The following GPRIN2 variants were observed in gnomAD, a reference collection of about 807,000 sequenced individuals.
GPRIN2 encodes G protein regulated inducer of neurite outgrowth 2.
In GPRIN2, 1 loss-of-function variant was observed where a neutral mutation model predicts 0.3. That is an observed-to-expected ratio of 3.90 (90% CI 1.39 to 18.51). GPRIN2 has a LOEUF of 18.51. GPRIN2 is among the 30% of genes most tolerant of loss of function. The pLI is 0.11. For missense variants in GPRIN2, 880 were observed against 604.2 expected (o/e 1.46, Z -4.79); for synonymous variants, 361 against 258.6 (o/e 1.40, Z -3.80).
At chr10:46,552,521 C>G (rs1285102037) in intron 2 of GPRIN2, among the ~76,000 whole-genome samples, 1 of 152,312 alleles carries the variant, frequency 6.6e-6, no homozygotes, top group Non-Finnish European at 1.5e-5. Context: ...TACAAATGTC[C>G]TGGCAGCCCA....
At position 46,547,846 on chromosome 10, in the gene GPRIN2, A is replaced by G. The variant is rs1842308316; in HGVS notation, c.*1514T>C. Among the ~76,000 whole-genome samples the G allele has an allele frequency of 6.6e-6, 1 of 152,304 alleles. No individual in the cohort carries two copies. The highest frequency in any genetic ancestry group is 2.4e-5 in the African/African-American group (1 of 41,486). ...GGGAAAGGCATGTTTACGGGTGAGAATGGTCCATCGTTGGGCTTCAGGAGG... is the reference window on the plus strand; with the variant it reads ...GGGAAAGGCATGTTTACGGGTGAGAGTGGTCCATCGTTGGGCTTCAGGAGG... On this transcript the variant is annotated 3_prime_UTR_variant, in exon 3 of 3. Transcript: ENST00000374314.
Position 46,549,949 on chromosome 10 carries a change from G to A in GPRIN2, c.788C>T (p.Ala263Val), listed in dbSNP as rs1832539576. 14 of 1,614,144 alleles carry A rather than the reference G, an allele frequency of 8.7e-6. No homozygotes were observed. Among genetic ancestry groups the A allele is most frequent in the Admixed American group, 6.7e-5 (4 of 60,012 alleles). Residue 263 changes from alanine to valine, a missense_variant, in exon 3 of 3, where the codon GCG (alanine) becomes GTG (valine). Ala to Val is a moderately conservative substitution (Grantham distance 64). Transcript: ENST00000374314. ...CTGCAGCCCAGACTCGCTCACTGAC[G>A]CCACTAGTTTGGGAAAGGCCAGGAT... ...TGILAFPKLV[A>V]SVSESGLQAQ...
At position 46,541,800 on chromosome 10, in the gene GPRIN2, GA is replaced by G. The variant is rs1833083268; in HGVS notation, c.*7559del. Among the ~76,000 whole-genome samples, 1,130 of 151,420 alleles carry G rather than the reference GA, an allele frequency of 7.5e-3. No homozygotes were observed. The highest frequency in any genetic ancestry group is 0.017 in the Middle Eastern group (5 of 290). On this transcript the variant is annotated 3_prime_UTR_variant, in exon 3 of 3. Coordinates refer to ENST00000374314, the MANE Select transcript of GPRIN2 (RefSeq NM_001385282.1). ...GCAGTGTTTTAAAATAAAAACTAAT[GA>G]AAAAATGATAAAATATCAAAAATTT...
intron 1 of GPRIN2, among the ~76,000 whole-genome samples, chr10:46,554,933 C>T (rs1831958779): frequency 1.3e-5 from 2 of 152,428 alleles, no homozygotes; most frequent in Admixed American, 1.3e-4. Flanking sequence ...CCATCTAAGT[C>T]CCCTCTTGGT....
chr10:46,545,891 T>G lies in GPRIN2; in HGVS notation c.*3469A>C, dbSNP rs1555013363. The stretch of plus-strand genomic sequence containing the variant: ...AGGAAGATGATCAAGGCTTGTAACT[T>G]GCCCAAGATCACATGGCTATAGGTG... On this transcript the variant is annotated 3_prime_UTR_variant, in exon 3 of 3. Coordinates refer to ENST00000374314, the MANE Select transcript of GPRIN2 (RefSeq NM_001385282.1). Among the ~76,000 whole-genome samples, 1 of 152,310 alleles carries G rather than the reference T, an allele frequency of 6.6e-6. No homozygotes were observed. Among genetic ancestry groups the G allele is most frequent in the African/African-American group, 2.4e-5 (1 of 41,488 alleles).
At position 46,549,903 on chromosome 10, in the gene GPRIN2, G is replaced by T; in HGVS notation, c.834C>A (p.Ile278=). 4 of 1,614,234 alleles carry T rather than the reference G, an allele frequency of 2.5e-6. No homozygotes were observed. Among genetic ancestry groups the T allele is most frequent in the Non-Finnish European group, 3.4e-6 (4 of 1,180,022 alleles). ...SGLQAQHGVK[I]HCRLSGGLPG... Reference sequence around the variant, plus strand: ...GGAGCCCCCCAGACAACCTACAGTGGATCTTCACCCCATGCTGAGCCTGCA... The same window carrying T: ...GGAGCCCCCCAGACAACCTACAGTGTATCTTCACCCCATGCTGAGCCTGCA... Residue 278 remains isoleucine (I), a synonymous_variant, in exon 3 of 3, where the codon ATC becomes ATA. Transcript: ENST00000374314.
rs1555019520 is a variant in GPRIN2 at position 46,550,282 on chromosome 10, T to C, written c.455A>G (p.His152Arg). Residue 152 changes from histidine to arginine, a missense_variant, in exon 3 of 3, where the codon CAC becomes CGC. His to Arg is a conservative substitution (Grantham distance 29). Transcript: ENST00000374314. ...ACCACCTGGCTGCAGCTGAGCCCTG[T>C]GGACAGGGCTGCTGCCAAGGGCTGA... ...SCSALGSSPVHRAQLQPGGTS... is the reference protein window; with the variant it reads ...SCSALGSSPVRRAQLQPGGTS... 17 of 1,612,618 alleles carry C rather than the reference T, an allele frequency of 1.1e-5. No homozygotes were observed. The highest frequency in any genetic ancestry group is 1.7e-5 in the Admixed American group (1 of 59,986).
In GPRIN2 at chr10:46,550,009, G is replaced by GCTCCCACCT. The variant is rs1832517461; in HGVS notation, c.727_728insAGGTGGGAG (p.Arg242_Ala243insGluValGly). The GCTCCCACCT allele has an allele frequency of 2.5e-6, 4 of 1,613,656 alleles. No homozygotes were observed. The Admixed American group carries it at 6.7e-5, about 27-fold the overall frequency. On this transcript the variant is annotated inframe_insertion, in exon 3 of 3. Transcript: ENST00000374314. The stretch of plus-strand genomic sequence containing the variant: ...AGGTAGGGCATGGCAGCAGCCACCA[G>GCTCCCACCT]CCCTCACCTCCCTCATGCCACAGAG...
rs1410315710 is a variant in GPRIN2, at chr10:46,542,706, CA to C, written c.*6653del. Among the ~76,000 whole-genome samples, 1 of 152,306 alleles carries C rather than the reference CA, an allele frequency of 6.6e-6. No individual in the cohort carries two copies. The highest frequency in any genetic ancestry group is 1.5e-5 in the Non-Finnish European group (1 of 68,052). On this transcript the variant is annotated 3_prime_UTR_variant, in exon 3 of 3. Coordinates refer to ENST00000374314, the MANE Select transcript of GPRIN2 (RefSeq NM_001385282.1). ...TGGACTAATATGGAGGGGTCAAAGA[CA>C]GAAATCTCCTCCTCCAGTCCCTAGC...
rs1052604975 is a variant in GPRIN2 at position 46,542,756 on chromosome 10, G to A, written c.*6604C>T. 2.6e-5 allele frequency among the ~76,000 whole-genome samples: 4 copies of A among 152,304 alleles called. No homozygotes were observed. Among genetic ancestry groups the A allele is most frequent in the Non-Finnish European group, 5.9e-5 (4 of 68,054 alleles). On this transcript the variant is annotated 3_prime_UTR_variant, in exon 3 of 3. Coordinates refer to ENST00000374314, the MANE Select transcript of GPRIN2 (RefSeq NM_001385282.1). Reference sequence around the variant, plus strand: ...GCCTTGGCTCTTGGACACGAATCCAGTTCCTGACAGCAGAGAAGCATACAG... The same window carrying A: ...GCCTTGGCTCTTGGACACGAATCCAATTCCTGACAGCAGAGAAGCATACAG...
rs1842276672 is a variant in GPRIN2, at chr10:46,547,551, C to T, written c.*1809G>A. On this transcript the variant is annotated 3_prime_UTR_variant, in exon 3 of 3. Transcript: ENST00000374314. ...GTTCCATCTGCCAGGCAGGTCCTGC[C>T]CTCTCTCCACCCACCTGTCTAACCC... Among the ~76,000 whole-genome samples the T allele has an allele frequency of 6.6e-6, 1 of 152,306 alleles. No individual in the cohort carries two copies. The highest frequency in any genetic ancestry group is 2.1e-4 in the South Asian group (1 of 4,838).
Position 46,549,453 on chromosome 10 carries a change from C to T in GPRIN2, c.1284G>A (p.Leu428=), listed in dbSNP as rs1832713169. The T allele has an allele frequency of 5.0e-6, 8 of 1,608,500 alleles. No individual in the cohort carries two copies. In the African/African-American group the frequency reaches 6.7e-5, roughly 13 times the overall value. The part of the protein sequence containing the change: ...LQRAPASEDS[L]SVEGRRGPLR... ...GTGGCCCCCTCCGGCCCTCCACAGA[C>T]AGGCTGTCCTCGCTGGCGGGCGCCC... is the stretch of plus-strand genomic sequence containing the variant. The change falls in exon 3 of 3, where the codon CTG becomes CTA. Residue 428 remains leucine (L), a synonymous_variant. Transcript: ENST00000374314.
Position 46,548,287 on chromosome 10 carries a change from C to G in GPRIN2, c.*1073G>C, listed in dbSNP as rs1842350428. Among the ~76,000 whole-genome samples the G allele has an allele frequency of 6.6e-6, 1 of 152,306 alleles. No homozygotes were observed. The highest frequency in any genetic ancestry group is 2.4e-5 in the African/African-American group (1 of 41,486). ...CTCCAAGGCCCCTGGCCCCCACTGC[C>G]TAGCCTAGGTCAGGTCATGTGGGCA... On this transcript the variant is annotated 3_prime_UTR_variant, in exon 3 of 3. Coordinates refer to ENST00000374314, the MANE Select transcript of GPRIN2 (RefSeq NM_001385282.1).
chr10:46,554,884 C>A (rs1843000182), intron 1 of GPRIN2, among the ~76,000 whole-genome samples, 189 bp from the exon 2 acceptor site: 1 of 152,312 alleles, frequency 6.6e-6, no homozygotes, highest in Non-Finnish European at 1.5e-5. Flanking sequence ...CTACCAAGAC[C>A]ACCACAAGTG....
chr10:46,547,755 C>T lies in GPRIN2; in HGVS notation c.*1605G>A, dbSNP rs1414496586. On this transcript the variant is annotated 3_prime_UTR_variant, in exon 3 of 3. Transcript: ENST00000374314. ...TGTCACTCCCCAGAACGTGAGCTGC[C>T]TGCCCTGGCACCATACACAAAGGGA... Among the ~76,000 whole-genome samples, 2 of 152,306 alleles carry T rather than the reference C, an allele frequency of 1.3e-5. No homozygotes were observed. Among genetic ancestry groups the T allele is most frequent in the Non-Finnish European group, 2.9e-5 (2 of 68,056 alleles).
In GPRIN2 at chr10:46,542,963, CAA is replaced by C. The variant is rs1356481079; in HGVS notation, c.*6395_*6396del. 6.6e-6 allele frequency among the ~76,000 whole-genome samples: 1 copy of C among 152,312 alleles called. No homozygotes were observed. The highest frequency in any genetic ancestry group is 2.4e-5 in the African/African-American group (1 of 41,488). On this transcript the variant is annotated 3_prime_UTR_variant, in exon 3 of 3. Transcript: ENST00000374314. ...CCAGCCAGCCACCAACAAGGGCCAC[CAA>C]AAGTTAGGACTGATGGGGTGCCCTT...
chr10:46,547,223 G>A lies in GPRIN2; in HGVS notation c.*2137C>T, dbSNP rs926622491. 1.3e-5 allele frequency among the ~76,000 whole-genome samples: 2 copies of A among 152,310 alleles called. No homozygotes were observed. The highest frequency in any genetic ancestry group is 2.4e-5 in the African/African-American group (1 of 41,488). On this transcript the variant is annotated 3_prime_UTR_variant, in exon 3 of 3. Coordinates refer to ENST00000374314, the MANE Select transcript of GPRIN2 (RefSeq NM_001385282.1). ...CACATGTGTGCCTGTGTATGCGTGT[G>A]TGTGCACGTGTATGAACCCAGCCCC...
At position 46,549,274 on chromosome 10, in the gene GPRIN2, C is replaced by A; in HGVS notation, c.*86G>T. 2.1e-6 allele frequency: 3 copies of A among 1,427,358 alleles called. No homozygotes were observed. Among genetic ancestry groups the A allele is most frequent in the Non-Finnish European group, 2.8e-6 (3 of 1,084,468 alleles). The allele number at this position is 1,427,358 out of a possible 1,614,324, so 88.4% of individuals were successfully genotyped here. A position where few individuals can be genotyped will look rare whatever the true frequency, so the allele number is the denominator to read the frequency against. On this transcript the variant is annotated 3_prime_UTR_variant, in exon 3 of 3. Transcript: ENST00000374314. Reference sequence around the variant, plus strand: ...GAGATGTGCCCAGCTGCCGGTGGGTCCAGGGGGCACGGAGCCCCCACCGTC... The same window carrying A: ...GAGATGTGCCCAGCTGCCGGTGGGTACAGGGGGCACGGAGCCCCCACCGTC...
chr10:46,552,158 G>A (rs1367831724), intron 2 of GPRIN2, among the ~76,000 whole-genome samples: 4 of 152,308 alleles, frequency 2.6e-5, no homozygotes, highest in South Asian at 2.1e-4. Context: ...ACGTAAGTCA[G>A]GCCTGGAGTG....
Sources: gnomAD v4.1 joint callset for allele counts (sites outside exome capture counted in the v4.1 genomes callset) on GRCh38, gnomAD v4.1.1 for gene constraint, MANE v1.5 for transcripts, NCBI Gene and HGNC (gene_info 2026-07-23, HGNC 2026-07-21) for gene names.